Variants in ACACA observed in about 807,000 individuals in gnomAD.
The protein encoded by ACACA is acetyl-CoA carboxylase 1.
In ACACA, 103 loss-of-function variants were observed where a neutral mutation model predicts 296.1. The observed-to-expected ratio is 0.35, with a 90% confidence interval of 0.30 to 0.41. The LOEUF (loss-of-function observed/expected upper bound fraction) is 0.41. Among genes scored for constraint, ACACA ranks in the 10% least tolerant of loss-of-function variants. ACACA has a pLI of 1.00. For missense variants in ACACA, 1,554 were observed against 2,989.7 expected (o/e 0.52, Z 11.20); for synonymous variants, 953 against 1,038.6 (o/e 0.92, Z 1.58).
intron 54 of ACACA, among the ~76,000 whole-genome samples, chr17:37,095,172 C>A (rs1401584353): frequency 6.6e-6 from 1 of 152,188 alleles, no homozygotes; most frequent in Non-Finnish European, 1.5e-5. Flanking sequence ...GCAGTGCAGG[C>A]CTCTCCTGGC....
At chr17:37,303,675 T>C (rs1332860635) in intron 3 of ACACA, among the ~76,000 whole-genome samples, 2 of 152,152 alleles carry the variant, frequency 1.3e-5, no homozygotes, top group Non-Finnish European at 2.9e-5. Flanking sequence ...CTGGCCCACA[T>C]GGTGAAACCC....
intron 39 of ACACA, among the ~76,000 whole-genome samples, chr17:37,185,429 T>C (rs909330177): frequency 3.0e-4 from 44 of 146,578 alleles, no homozygotes; most frequent in Non-Finnish European, 5.8e-4. Flanking sequence ...TTTTTTTTTT[T>C]TGGTAGAGAC....
intron 35 of ACACA, among the ~76,000 whole-genome samples, chr17:37,199,526 A>C (rs1357632313): frequency 6.6e-6 from 1 of 152,214 alleles, no homozygotes; most frequent in Non-Finnish European, 1.5e-5. Context: ...AAATGGGAGA[A>C]TAAGCAACAG....
intron 23 of ACACA, 101 bp from the exon 24 acceptor site, chr17:37,240,665 G>A: frequency 1.2e-6 from 1 of 864,926 alleles, no homozygotes; most frequent in Non-Finnish European, 1.9e-6. Flanking sequence ...CCACTGAACT[G>A]CTTTCCCTCT....
chr17:37,208,575 C>T (rs1462196327), intron 30 of ACACA, among the ~76,000 whole-genome samples: 3 of 152,068 alleles, frequency 2.0e-5, no homozygotes, highest in Admixed American at 6.5e-5. Flanking sequence ...CAGCAAGATA[C>T]AAAAGGGCAG....
At chr17:37,174,652 C>T (rs2077040567) in intron 41 of ACACA, among the ~76,000 whole-genome samples, 1 of 152,054 alleles carries the variant, frequency 6.6e-6, no homozygotes, top group Non-Finnish European at 1.5e-5. Flanking sequence ...CCTGCCTCAG[C>T]CTGCCAAGTA....
chr17:37,163,971 C>T (rs972601445), intron 41 of ACACA, among the ~76,000 whole-genome samples: 3 of 152,138 alleles, frequency 2.0e-5, no homozygotes, highest in Non-Finnish European at 2.9e-5. Context: ...TTCATTCATA[C>T]GCTAGTTACA....
chr17:37,335,601 T>C (rs538975875), intron 2 of ACACA, among the ~76,000 whole-genome samples: 38 of 152,264 alleles, frequency 2.5e-4, no homozygotes, highest in African/African-American at 9.1e-4. Flanking sequence ...ATGTCATACC[T>C]AAGCCCCGCA....
Position 37,243,223 on chromosome 17 carries a change from C to T in ACACA, c.2931+148G>A, listed in dbSNP as rs572082439. 36 of 809,044 alleles carry T rather than the reference C, an allele frequency of 4.4e-5. 1 individual carries two copies. In the East Asian group the frequency reaches 9.2e-4, roughly 21 times the overall value. The allele number at this position is 809,044 out of a possible 1,614,324, so 50.1% of individuals were successfully genotyped here. A position where few individuals can be genotyped will look rare whatever the true frequency, so the allele number is the denominator to read the frequency against. The stretch of plus-strand genomic sequence containing the variant: ...AGTACTTTCACTGTTGGGTTTGTAC[C>T]CTGAGGCAGTTTTGTGAGGAATACA... On this transcript the variant is annotated intron_variant, in intron 22 of 55. Coordinates refer to ENST00000616317, the MANE Select transcript of ACACA (RefSeq NM_198834.3).
At chr17:37,226,007 G>A (rs1306541093) in intron 26 of ACACA, among the ~76,000 whole-genome samples, 1 of 152,174 alleles carries the variant, frequency 6.6e-6, no homozygotes, top group African/African-American at 2.4e-5. Context: ...CCTTTGGGAA[G>A]TAAGAAATAC....
At chr17:37,184,648 G>C (rs1220592949) in intron 39 of ACACA, among the ~76,000 whole-genome samples, 1 of 152,092 alleles carries the variant, frequency 6.6e-6, no homozygotes, top group Admixed American at 6.6e-5. Context: ...CCAGGAGTTT[G>C]AGACAAGCCT....
chr17:37,133,661 C>T (rs894588935), intron 45 of ACACA, among the ~76,000 whole-genome samples: 1 of 152,236 alleles, frequency 6.6e-6, no homozygotes, highest in African/African-American at 2.4e-5. Flanking sequence ...ATTCAACACT[C>T]TTTTAAACTT....
At chr17:37,088,737 G>A (rs2072396152) in intron 55 of ACACA, among the ~76,000 whole-genome samples, 1 of 152,192 alleles carries the variant, frequency 6.6e-6, no homozygotes, top group South Asian at 2.1e-4. Flanking sequence ...AGATTACTAA[G>A]TGCCCCTGGG....
intron 55 of ACACA, among the ~76,000 whole-genome samples, chr17:37,088,348 T>C (rs867784775): frequency 5.9e-4 from 90 of 152,302 alleles, no homozygotes; most frequent in African/African-American, 2.1e-3. Flanking sequence ...AGGAAAAATG[T>C]ATACACATAT....
At chr17:37,265,317 G>T (rs2081710007) in intron 10 of ACACA, among the ~76,000 whole-genome samples, 1 of 152,062 alleles carries the variant, frequency 6.6e-6, no homozygotes, top group African/African-American at 2.4e-5. Context: ...AACTTACTAT[G>T]CTCTACCCTA....
chr17:37,278,545 C>T (rs1222423524), intron 5 of ACACA, among the ~76,000 whole-genome samples: 1 of 152,176 alleles, frequency 6.6e-6, no homozygotes, highest in African/African-American at 2.4e-5. Flanking sequence ...TTGTAAGAAA[C>T]TTTAGAAAGA....
rs187550156 is a variant in ACACA at position 37,302,011 on chromosome 17, C to T, written c.339-17041G>A. On this transcript the variant is annotated intron_variant, in intron 3 of 55. Transcript: ENST00000616317. ...TTTTTTCTTTTTTGAGATGGAGTCTCGCTCTGTCTCCCAGGCTGGAGTGCA... is the reference window on the plus strand; with the variant it reads ...TTTTTTCTTTTTTGAGATGGAGTCTTGCTCTGTCTCCCAGGCTGGAGTGCA... Among the ~76,000 whole-genome samples, 49 of 151,844 alleles carry T rather than the reference C, an allele frequency of 3.2e-4. 1 individual carries two copies. In the East Asian group the frequency reaches 7.7e-3, roughly 24 times the overall value.
chr17:37,270,464 C>T (rs745974807), intron 10 of ACACA, among the ~76,000 whole-genome samples: 4 of 152,064 alleles, frequency 2.6e-5, no homozygotes, highest in African/African-American at 4.8e-5. Flanking sequence ...ATAAGCCATA[C>T]GCACCAGGTA....
intron 25 of ACACA, 51 bp from the exon 26 acceptor site, chr17:37,226,503 G>T: frequency 6.9e-7 from 1 of 1,446,502 alleles, no homozygotes; most frequent in Non-Finnish European, 9.7e-7. Context: ...AAAAGAACAG[G>T]TGGATAGGAT....
Sources: gnomAD v4.1 joint callset for allele counts (sites outside exome capture counted in the v4.1 genomes callset) on GRCh38, gnomAD v4.1.1 for gene constraint, MANE v1.5 for transcripts, NCBI Gene and HGNC (gene_info 2026-07-23, HGNC 2026-07-21) for gene names.